The following FOLR2 variants were observed in gnomAD, a reference collection of about 807,000 sequenced individuals.
FOLR2 encodes the protein folate receptor beta, also known as folate receptor 2 (fetal).
A neutral mutation model predicts 20.4 loss-of-function variants in FOLR2; 14 were observed. The ratio of observed to expected loss-of-function variants is 0.68; its 90% CI spans 0.45 to 1.07. The LOEUF (loss-of-function observed/expected upper bound fraction) is 1.07. Ranked by LOEUF, FOLR2 falls within the 50% of genes least tolerant of loss-of-function variation. The pLI is 0.00. For synonymous variants in FOLR2, 114 were observed against 114.3 expected (o/e 1.00, Z 0.02); for missense variants, 269 against 322.6 (o/e 0.83, Z 1.27).
intron 1 of FOLR2, among the ~76,000 whole-genome samples, 183 bp downstream of exon 1, chr11:72,217,108 T>C (rs1488619109): frequency 6.6e-6 from 1 of 152,224 alleles, no homozygotes; most frequent in Non-Finnish European, 1.5e-5. Context: ...CACTGCAACC[T>C]CTGCCTCCTG....
At chr11:72,217,349 G>A (rs967225387) in intron 1 of FOLR2, 2 of 1,288,242 alleles carry the variant, frequency 1.6e-6, no homozygotes, top group Admixed American at 2.3e-5. Context: ...AGATCATGCT[G>A]GCTCCTGTGG....
chr11:72,220,983 C>T lies in FOLR2; in HGVS notation c.264C>T (p.Pro88=), dbSNP rs574420682. ...GGGACCACTGCGGCAAGATGGAGCC[C>T]GCCTGCAAGCGCCACTTCATCCAGG... ...FNWDHCGKME[P]ACKRHFIQDT... Residue 88 remains proline (P), a synonymous_variant, in exon 3 of 5, where the codon CCC becomes CCT. Transcript: ENST00000298223. 5.5e-5 allele frequency: 88 copies of T among 1,613,932 alleles called. No homozygotes were observed. Among genetic ancestry groups the T allele is most frequent in the African/African-American group, 3.3e-4 (25 of 75,054 alleles).
chr11:72,220,673 A>C (rs1948469249), intron 2 of FOLR2, among the ~76,000 whole-genome samples, 197 bp from the exon 3 acceptor site: 1 of 152,222 alleles, frequency 6.6e-6, no homozygotes, highest in Non-Finnish European at 1.5e-5. Context: ...TCCCCTGATC[A>C]CACGGTTGTA....
At position 72,221,576 on chromosome 11, in the gene FOLR2, C is replaced by G. The variant is rs563506142; in HGVS notation, c.582C>G (p.Ser194Arg). 17 of 1,614,160 alleles carry G rather than the reference C, an allele frequency of 1.1e-5. No homozygotes were observed. In the African/African-American group the frequency reaches 1.6e-4, roughly 15 times the overall value. The change falls in exon 5 of 5, where the codon AGC becomes AGG. Residue 194 changes from serine to arginine, a missense_variant. Physicochemically the swap from Ser to Arg is moderately radical, Grantham distance 110. Transcript: ENST00000298223. ...TCTGGAGTCACTCATACAAGGTCAGCAACTACAGCCGAGGGAGCGGCCGCT... is the reference window on the plus strand; with the variant it reads ...TCTGGAGTCACTCATACAAGGTCAGGAACTACAGCCGAGGGAGCGGCCGCT... Reference protein sequence around the residue: ...EGLWSHSYKVSNYSRGSGRCI... With the variant: ...EGLWSHSYKVRNYSRGSGRCI...
chr11:72,220,977 G>A lies in FOLR2; in HGVS notation c.258G>A (p.Met86Ile), dbSNP rs116699117. The change falls in exon 3 of 5, where the codon ATG becomes ATA. Residue 86 changes from methionine to isoleucine, a missense_variant. Transcript: ENST00000298223. ...TTAACTGGGACCACTGCGGCAAGATGGAGCCCGCCTGCAAGCGCCACTTCA... is the reference window on the plus strand; with the variant it reads ...TTAACTGGGACCACTGCGGCAAGATAGAGCCCGCCTGCAAGCGCCACTTCA... ...YNFNWDHCGK[M>I]EPACKRHFIQ... 1,138 of 1,613,988 alleles carry A rather than the reference G, an allele frequency of 7.1e-4. 6 individuals are homozygous for A. The African/African-American group carries it at 0.013, about 19-fold the overall frequency.
At chr11:72,219,493 T>C (rs1489469961) in intron 2 of FOLR2, among the ~76,000 whole-genome samples, 2 of 152,180 alleles carry the variant, frequency 1.3e-5, no homozygotes, top group Non-Finnish European at 2.9e-5. Flanking sequence ...TAAAATAATA[T>C]ATATTTCAAT....
intron 2 of FOLR2, 49 bp downstream of exon 2, chr11:72,218,783 G>T: frequency 6.6e-7 from 1 of 1,525,760 alleles, no homozygotes; most frequent in Non-Finnish European, 9.0e-7. Flanking sequence ...TTCTAACAGG[G>T]AGGAGAAAGT....
At chr11:72,221,126 T>G in intron 3 of FOLR2, 50 bp from the exon 4 acceptor site, 1 of 1,412,692 alleles carries the variant, frequency 7.1e-7, no homozygotes, top group Non-Finnish European at 9.4e-7. Context: ...AGGCGATGGC[T>G]GCCAGCATCC....
At position 72,216,829 on chromosome 11, in the gene FOLR2, C is replaced by G; in HGVS notation, c.-121C>G. The G allele has an allele frequency of 6.6e-7, 1 of 1,513,972 alleles. No individual in the cohort carries two copies. Among genetic ancestry groups the G allele is most frequent in the African/African-American group, 1.4e-5 (1 of 73,274 alleles). The allele number at this position is 1,513,972 out of a possible 1,614,324, so 93.8% of individuals were successfully genotyped here. On this transcript the variant is annotated 5_prime_UTR_variant, in exon 1 of 5. Transcript: ENST00000298223. Reference sequence around the variant, plus strand: ...GTCTACCCTGTACCGAAGACAGAGGCTGTGGGGACAGCCTAGGGGCCTGGA... The same window carrying G: ...GTCTACCCTGTACCGAAGACAGAGGGTGTGGGGACAGCCTAGGGGCCTGGA...
intron 3 of FOLR2, 28 bp from the exon 4 acceptor site, chr11:72,221,148 G>C: frequency 6.2e-7 from 1 of 1,603,236 alleles, no homozygotes; most frequent in Non-Finnish European, 8.5e-7. Context: ...TGGCTGAGAG[G>C]AGCCCTGCCT....
chr11:72,218,471 C>T (rs192041012), intron 1 of FOLR2, 90 bp from the exon 2 acceptor site: 3 of 1,188,900 alleles, frequency 2.5e-6, no homozygotes, highest in Non-Finnish European at 3.6e-6. Flanking sequence ...ACCTCATTTG[C>T]CACCGTAGGG....
chr11:72,219,887 G>C (rs1240881212), intron 2 of FOLR2, among the ~76,000 whole-genome samples: 1 of 143,916 alleles, frequency 6.9e-6, no homozygotes, highest in Non-Finnish European at 1.5e-5. Flanking sequence ...TCACTCTGTT[G>C]CCCAGGCTGG....
At chr11:72,216,955 A>G in intron 1 of FOLR2, 30 bp downstream of exon 1, 2 of 1,598,572 alleles carry the variant, frequency 1.3e-6, no homozygotes, top group South Asian at 2.2e-5. Context: ...GAAGGGTGAC[A>G]AGGGCAGTGG....
chr11:72,220,798 G>T, intron 2 of FOLR2, 72 bp from the exon 3 acceptor site: 2 of 1,585,616 alleles, frequency 1.3e-6, no homozygotes, highest in Non-Finnish European at 1.7e-6. Flanking sequence ...AGAACCAAAT[G>T]GGGGAGAGAC....
chr11:72,216,824 A>T lies in FOLR2; in HGVS notation c.-126A>T. ...GCGTTGTCTACCCTGTACCGAAGAC[A>T]GAGGCTGTGGGGACAGCCTAGGGGC... On this transcript the variant is annotated 5_prime_UTR_variant, in exon 1 of 5. Coordinates refer to ENST00000298223, the MANE Select transcript of FOLR2 (RefSeq NM_000803.5). 1 of 1,456,798 alleles carries T rather than the reference A, an allele frequency of 6.9e-7. No individual in the cohort carries two copies. The highest frequency in any genetic ancestry group is 9.5e-7 in the Non-Finnish European group (1 of 1,050,804). The allele number at this position is 1,456,798 out of a possible 1,614,324, so 90.2% of individuals were successfully genotyped here.
intron 4 of FOLR2, 51 bp downstream of exon 4, chr11:72,221,362 G>C (rs1451708341): frequency 2.5e-6 from 4 of 1,603,338 alleles, no homozygotes; most frequent in Non-Finnish European, 2.6e-6. Flanking sequence ...GGTAGGGTTT[G>C]GAAAATCTTC....
intron 2 of FOLR2, among the ~76,000 whole-genome samples, chr11:72,220,435 A>C (rs1427188333): frequency 6.6e-6 from 1 of 152,072 alleles, no homozygotes; most frequent in Non-Finnish European, 1.5e-5. Flanking sequence ...TATATTTTTT[A>C]AGTTTCTTAC....
In FOLR2 at chr11:72,216,937, G is replaced by A. The variant is rs368662044; in HGVS notation, c.-25+12G>A. The stretch of plus-strand genomic sequence containing the variant: ...CAACGGAGGTTCAGGCAAGATGCCC[G>A]AAGGAGGGAAGGGTGACAAGGGCAG... On this transcript the variant is annotated intron_variant, in intron 1 of 4. Transcript: ENST00000298223. 19 of 1,599,370 alleles carry A rather than the reference G, an allele frequency of 1.2e-5. No individual in the cohort carries two copies. The highest frequency in any genetic ancestry group is 1.5e-5 in the Non-Finnish European group (18 of 1,179,754).
In FOLR2 at chr11:72,220,962, C is replaced by A. The variant is rs140123489; in HGVS notation, c.243C>A (p.Asp81Glu). 3.7e-6 allele frequency: 6 copies of A among 1,613,994 alleles called. No individual in the cohort carries two copies. Among genetic ancestry groups the A allele is most frequent in the Non-Finnish European group, 4.2e-6 (5 of 1,179,896 alleles). The change falls in exon 3 of 5, where the codon GAC becomes GAA. Residue 81 changes from aspartate (D) to glutamate (E), a missense_variant. Coordinates refer to ENST00000298223, the MANE Select transcript of FOLR2 (RefSeq NM_000803.5). Reference sequence around the variant, plus strand: ...CCCGCCTGTACAACTTTAACTGGGACCACTGCGGCAAGATGGAGCCCGCCT... The same window carrying A: ...CCCGCCTGTACAACTTTAACTGGGAACACTGCGGCAAGATGGAGCCCGCCT... ...DTSRLYNFNW[D>E]HCGKMEPACK...
Sources: gnomAD v4.1 joint callset for allele counts (sites outside exome capture counted in the v4.1 genomes callset) on GRCh38, gnomAD v4.1.1 for gene constraint, MANE v1.5 for transcripts, NCBI Gene and HGNC (gene_info 2026-07-23, HGNC 2026-07-21) for gene names.